STRADA: variants seen among roughly 807,000 people sequenced by gnomAD.
STRADA encodes STE20 related adaptor alpha.
STRADA carries 26 observed loss-of-function variants against 55.0 expected under a neutral mutation model. The observed-to-expected ratio is 0.47, with a 90% CI of 0.35 to 0.66. The LOEUF is 0.66. STRADA is among the 30% of genes least tolerant of loss of function. STRADA has a pLI of 0.01. For missense variants in STRADA, 443 were observed against 549.7 expected (o/e 0.81, Z 1.94); for synonymous variants, 197 against 210.9 (o/e 0.93, Z 0.57).
At chr17:63,739,020 G>A (rs571972464) in intron 1 of STRADA, among the ~76,000 whole-genome samples, 1 of 151,616 alleles carries the variant, frequency 6.6e-6, no homozygotes, top group South Asian at 2.1e-4. Context: ...GGGTATGGTG[G>A]CGGGCGCCTG....
At chr17:63,710,382 T>C in intron 8 of STRADA, 109 bp downstream of exon 8, 1 of 1,533,246 alleles carries the variant, frequency 6.5e-7, no homozygotes, top group Non-Finnish European at 8.8e-7. Flanking sequence ...ATCCAGATCC[T>C]TGATTTTAAA....
At position 63,704,435 on chromosome 17, in the gene STRADA, T is replaced by TG; in HGVS notation, c.1005dup (p.Asn336GlnfsTer3). The stretch of plus-strand genomic sequence containing the variant: ...TAGGGGTGGGAGGGCGAGTCACCGT[T>TG]GGAGGGCCGGGGGGTGCTGGTGGTC... On this transcript the variant is annotated frameshift_variant, in exon 11 of 13. Transcript: ENST00000336174. LOFTEE classifies it high-confidence loss of function. 1 of 1,609,260 alleles carries TG rather than the reference T, an allele frequency of 6.2e-7. No individual in the cohort carries two copies. The highest frequency in any genetic ancestry group is 8.5e-7 in the Non-Finnish European group (1 of 1,178,458).
chr17:63,722,749 A>G (rs1016798850), intron 4 of STRADA, among the ~76,000 whole-genome samples: 3 of 152,234 alleles, frequency 2.0e-5, no homozygotes, highest in African/African-American at 7.2e-5. Context: ...TATTTATTTA[A>G]GTAAAATAAA....
intron 6 of STRADA, among the ~76,000 whole-genome samples, chr17:63,711,798 G>T (rs1049973906): frequency 6.6e-6 from 1 of 152,106 alleles, no homozygotes; most frequent in Non-Finnish European, 1.5e-5. Context: ...AGTTGAGCAT[G>T]GTGGTGCATG....
intron 6 of STRADA, among the ~76,000 whole-genome samples, chr17:63,713,000 C>CAAAAAAAAAAA (rs5821401): frequency 8.0e-6 from 1 of 125,536 alleles, no homozygotes; most frequent in Non-Finnish European, 1.7e-5. Flanking sequence ...GAATCCGTCT[C>CAAAAAAAAAAA]AAAAAAAAAA....
chr17:63,724,031 G>A (rs2037481424), intron 3 of STRADA: 1 of 152,182 alleles, frequency 6.6e-6, no homozygotes, highest in African/African-American at 2.4e-5. Flanking sequence ...AAATATTGGG[G>A]TGATTATACA....
chr17:63,710,486 C>T lies in STRADA; in HGVS notation c.581+5G>A, dbSNP rs372200946. Reference sequence around the variant, plus strand: ...AATCATGGGAAAGGCCGCCTAAGAACGCACCTGTGTACATATCCCATGTGG... The same window carrying T: ...AATCATGGGAAAGGCCGCCTAAGAATGCACCTGTGTACATATCCCATGTGG... On this transcript the variant is annotated splice_donor_5th_base_variant and intron_variant, in intron 8 of 12. Coordinates refer to ENST00000336174, the MANE Select transcript of STRADA (RefSeq NM_001003787.4). The T allele has an allele frequency of 1.3e-5, 21 of 1,613,192 alleles. No individual in the cohort carries two copies. Among genetic ancestry groups the T allele is most frequent in the Middle Eastern group, 1.8e-4 (1 of 5,556 alleles).
chr17:63,740,127 T>TATATATAC (rs1246578359), intron 1 of STRADA, among the ~76,000 whole-genome samples: 8 of 53,148 alleles, frequency 1.5e-4, no homozygotes, highest in South Asian at 8.4e-4. Context: ...CATATATATA[T>TATATATAC]ACACATACAT....
chr17:63,738,642 G>C (rs2038630375), intron 1 of STRADA, among the ~76,000 whole-genome samples: 1 of 152,116 alleles, frequency 6.6e-6, no homozygotes, highest in Non-Finnish European at 1.5e-5. Context: ...CAGATCTCCT[G>C]AGCTCCGCAG....
chr17:63,732,290 C>T (rs953597497), intron 1 of STRADA, among the ~76,000 whole-genome samples: 1 of 152,182 alleles, frequency 6.6e-6, no homozygotes, highest in Non-Finnish European at 1.5e-5. Flanking sequence ...CAGGTGTCAG[C>T]TACCGCACCT....
At chr17:63,705,759 T>A (rs566067987) in intron 10 of STRADA, 1 of 152,308 alleles carries the variant, frequency 6.6e-6, no homozygotes, top group African/African-American at 2.4e-5. Context: ...GTTCTCCAGA[T>A]CTGTTTTTTC....
chr17:63,703,925 G>T lies in STRADA; in HGVS notation c.1143+80C>A, dbSNP rs568763507. The T allele has an allele frequency of 1.9e-6, 3 of 1,608,184 alleles. No individual in the cohort carries two copies. The African/African-American group carries it at 4.0e-5, about 21-fold the overall frequency. Reference sequence around the variant, plus strand: ...CGGGGTAGTTTCTCTCATTCAAAGGGAGGGGAGAGAAAGCTAAAGGGATTG... The same window carrying T: ...CGGGGTAGTTTCTCTCATTCAAAGGTAGGGGAGAGAAAGCTAAAGGGATTG... On this transcript the variant is annotated intron_variant, in intron 12 of 12. Transcript: ENST00000336174.
In STRADA at chr17:63,710,532, C is replaced by T. The variant is rs755778322; in HGVS notation, c.540G>A (p.Leu180=). ...LAIAYILQGV[L]KALDYIHHMG... Reference sequence around the variant, plus strand: ...TGTGGTGGATGTAGTCGAGGGCCTTCAGCACCCCCTGCAGGATGTAAGCAA... The same window carrying T: ...TGTGGTGGATGTAGTCGAGGGCCTTTAGCACCCCCTGCAGGATGTAAGCAA... Residue 180 remains leucine (L), a synonymous_variant, in exon 8 of 13, where the codon CTG becomes CTA. Transcript: ENST00000336174. 8.1e-6 allele frequency: 13 copies of T among 1,613,852 alleles called. No individual in the cohort carries two copies. In the African/African-American group the frequency reaches 1.7e-4, roughly 22 times the overall value.
chr17:63,731,500 G>A (rs1183586546), intron 1 of STRADA, among the ~76,000 whole-genome samples: 7 of 151,558 alleles, frequency 4.6e-5, no homozygotes, highest in Admixed American at 2.0e-4. Flanking sequence ...TCCTGACCTC[G>A]TGATCCGTCC....
chr17:63,728,009 C>CCCCCG (rs1555706182), intron 2 of STRADA: 1 of 215,106 alleles, frequency 4.6e-6, no homozygotes, highest in Non-Finnish European at 9.1e-6. Flanking sequence ...CACAACCTCA[C>CCCCCG]GGGGGGTCAT....
Position 63,702,884 on chromosome 17 carries a change from A to G in STRADA, c.*715T>C, listed in dbSNP as rs2035824228. 6.6e-6 allele frequency: 1 copy of G among 152,632 alleles called. No individual in the cohort carries two copies. 9.5% of individuals were successfully genotyped at this position (152,632 alleles called of 1,614,324 possible). The stretch of plus-strand genomic sequence containing the variant: ...AATTTGTTCTGACAACGAAACTAAC[A>G]CAGCATAAGGACTTAAGCCCTCAAG... On this transcript the variant is annotated 3_prime_UTR_variant, in exon 13 of 13. Coordinates refer to ENST00000336174, the MANE Select transcript of STRADA (RefSeq NM_001003787.4).
intron 4 of STRADA, among the ~76,000 whole-genome samples, chr17:63,721,521 C>T (rs1156282793): frequency 2.0e-5 from 3 of 150,626 alleles, no homozygotes; most frequent in Admixed American, 1.3e-4. Flanking sequence ...GGGTTCGAGA[C>T]CAGCCAACAT....
chr17:63,728,335 C>G lies in STRADA; in HGVS notation c.35G>C (p.Arg12Thr). 6.2e-7 allele frequency: 1 copy of G among 1,613,260 alleles called. No homozygotes were observed. Among genetic ancestry groups the G allele is most frequent in the Non-Finnish European group, 8.5e-7 (1 of 1,179,702 alleles). Residue 12 changes from arginine (R) to threonine (T), a missense_variant and splice_region_variant, in exon 2 of 13, where the codon AGG becomes ACG. Transcript: ENST00000336174. Reference protein sequence around the residue: ...SFLVSKPERIRRWVSEKFIVE... With the variant: ...SFLVSKPERITRWVSEKFIVE... ...CCAGAAGAATAGAAAAACACTCACC[C>G]TGATTCGCTCTGGTTTACTTACAAG...
chr17:63,704,513 G>T lies in STRADA; in HGVS notation c.928C>A (p.Leu310Met), dbSNP rs756903153. 4 of 1,607,148 alleles carry T rather than the reference G, an allele frequency of 2.5e-6. No homozygotes were observed. The highest frequency in any genetic ancestry group is 2.7e-5 in the African/African-American group (2 of 74,892). The part of the protein sequence containing the change: ...LDTSTIPAEE[L>M]TMSPSRSVAN... The stretch of plus-strand genomic sequence containing the variant: ...ACTGAGCGCGAAGGGCTCATGGTCA[G>T]CTCCTCAGCGGGGATGGTGCTGGTA... Residue 310 changes from leucine (L) to methionine (M), a missense_variant, in exon 11 of 13, where the codon CTG (leucine) becomes ATG (methionine). Coordinates refer to ENST00000336174, the MANE Select transcript of STRADA (RefSeq NM_001003787.4).
Sources: allele counts gnomAD v4.1 joint callset (sites outside exome capture counted in the v4.1 genomes callset), GRCh38; gene constraint gnomAD v4.1.1; transcripts MANE v1.5; gene names NCBI Gene and HGNC (gene_info 2026-07-23, HGNC 2026-07-21).